The following KLHL29 variants were observed in gnomAD, a reference collection of about 807,000 sequenced individuals.
KLHL29 encodes kelch-like protein 29.
A neutral mutation model predicts 80.4 loss-of-function variants in KLHL29; 21 were observed. The ratio of observed to expected loss-of-function variants is 0.26; its 90% confidence interval spans 0.19 to 0.38. The LOEUF (loss-of-function observed/expected upper bound fraction) is 0.38, where lower values mean the gene tolerates loss of function less well. Among genes scored for constraint, KLHL29 ranks in the 10% least tolerant of loss-of-function variants. KLHL29 has a pLI of 1.00. For missense variants in KLHL29, 867 were observed against 1,223.9 expected (o/e 0.71, Z 4.35); for synonymous variants, 511 against 526.8 (o/e 0.97, Z 0.41).
In KLHL29 at chr2:23,596,153, G is replaced by C. The variant is rs1006040879; in HGVS notation, c.285+33672G>C. Reference sequence around the variant, plus strand: ...GAGCCGCATACAATAGAGCACCCTCGGCAGCCAGCCGGACGGGCAGGCCGG... The same window carrying C: ...GAGCCGCATACAATAGAGCACCCTCCGCAGCCAGCCGGACGGGCAGGCCGG... On this transcript the variant is annotated intron_variant, in intron 3 of 13. Coordinates refer to ENST00000486442, the MANE Select transcript of KLHL29 (RefSeq NM_052920.2). This position sits in a 1 kb window ranked among gnomAD's most constrained non-coding sequence, Gnocchi z 4.4. Among the ~76,000 whole-genome samples the C allele has an allele frequency of 6.6e-6, 1 of 152,184 alleles. No individual in the cohort carries two copies. Among genetic ancestry groups the C allele is most frequent in the Non-Finnish European group, 1.5e-5 (1 of 68,030 alleles).
At chr2:23,639,373 T>A in intron 4 of KLHL29, 93 bp downstream of exon 4, 2 of 1,303,202 alleles carry the variant, frequency 1.5e-6, no homozygotes, top group Non-Finnish European at 2.1e-6. Flanking sequence ...GCACAGCAGG[T>A]CTTGAACCCA....
chr2:23,549,999 TG>T (rs1313257202), intron 2 of KLHL29, among the ~76,000 whole-genome samples: 1 of 152,182 alleles, frequency 6.6e-6, no homozygotes, highest in Non-Finnish European at 1.5e-5. Flanking sequence ...CCTGGGGTTC[TG>T]GGTCTACCCT....
At chr2:23,393,660 A>C (rs572836754) in intron 1 of KLHL29, among the ~76,000 whole-genome samples, 18 of 152,340 alleles carry the variant, frequency 1.2e-4, no homozygotes, top group African/African-American at 4.3e-4. Flanking sequence ...TTTTTTCTCG[A>C]GATGGGTGTG....
At chr2:23,405,401 G>T (rs1666699428) in intron 1 of KLHL29, among the ~76,000 whole-genome samples, 1 of 152,176 alleles carries the variant, frequency 6.6e-6, no homozygotes, top group African/African-American at 2.4e-5. Flanking sequence ...ACAAAACAAT[G>T]CATGTTTTAA....
chr2:23,622,156 T>A (rs1342216063), intron 3 of KLHL29, among the ~76,000 whole-genome samples: 1 of 152,180 alleles, frequency 6.6e-6, no homozygotes, highest in Non-Finnish European at 1.5e-5. Flanking sequence ...AGACATTAAA[T>A]CCTTGCCTGG....
At chr2:23,675,834 A>G (rs1037510941) in intron 5 of KLHL29, among the ~76,000 whole-genome samples, 8 of 152,196 alleles carry the variant, frequency 5.3e-5, no homozygotes, top group Non-Finnish European at 1.0e-4. Context: ...CATTCTGTCC[A>G]TCCGATTCCA....
chr2:23,684,038 G>A lies in KLHL29; in HGVS notation c.941-361G>A, dbSNP rs1045744333. Among the ~76,000 whole-genome samples the A allele has an allele frequency of 2.0e-5, 3 of 152,162 alleles. No homozygotes were observed. The highest frequency in any genetic ancestry group is 2.9e-5 in the Non-Finnish European group (2 of 68,030). On this transcript the variant is annotated intron_variant, in intron 5 of 13. Transcript: ENST00000486442. The surrounding 1 kb of genome is among the most constrained non-coding windows in gnomAD (Gnocchi z 4.4). ...CATTGGCATTTGGAGAACTTGCTCC[G>A]TAGTTATTTGACAGTTTTTAGTTGT...
At chr2:23,582,465 C>G (rs1355595978) in intron 3 of KLHL29, among the ~76,000 whole-genome samples, 1 of 152,140 alleles carries the variant, frequency 6.6e-6, no homozygotes, top group Non-Finnish European at 1.5e-5. Flanking sequence ...TCCGGGGACC[C>G]CTATGACTCA....
At chr2:23,687,227 G>A (rs1431589345) in intron 6 of KLHL29, among the ~76,000 whole-genome samples, 1 of 152,168 alleles carries the variant, frequency 6.6e-6, no homozygotes, top group Non-Finnish European at 1.5e-5. Context: ...AGACCTCCGT[G>A]GGGATCAACA....
chr2:23,581,689 G>A (rs867716725), intron 3 of KLHL29, among the ~76,000 whole-genome samples: 5 of 151,974 alleles, frequency 3.3e-5, no homozygotes, highest in Admixed American at 2.0e-4. Flanking sequence ...GTAGCCGGGC[G>A]TGGTAGTGCG....
At chr2:23,419,213 T>C (rs1042085614) in intron 1 of KLHL29, among the ~76,000 whole-genome samples, 1 of 152,262 alleles carries the variant, frequency 6.6e-6, no homozygotes, top group African/African-American at 2.4e-5. Context: ...TTGTGACTTA[T>C]AATTTTGAAC....
At chr2:23,595,960 G>A (rs576285514) in intron 3 of KLHL29, among the ~76,000 whole-genome samples, 2 of 152,150 alleles carry the variant, frequency 1.3e-5, no homozygotes, top group Admixed American at 1.3e-4. Context: ...AGTCCTGGGC[G>A]GGCTTCTTCC....
intron 2 of KLHL29, among the ~76,000 whole-genome samples, chr2:23,479,392 G>A (rs1664725102): frequency 6.6e-6 from 1 of 152,054 alleles, no homozygotes; most frequent in Admixed American, 6.6e-5. Context: ...CCCCCAGCCT[G>A]CGCTGTCCAC....
At chr2:23,539,294 A>C (rs1359310018) in intron 2 of KLHL29, among the ~76,000 whole-genome samples, 1 of 152,160 alleles carries the variant, frequency 6.6e-6, no homozygotes, top group Non-Finnish European at 1.5e-5. Flanking sequence ...AAATGGCTAA[A>C]ATGTTTTATT....
intron 3 of KLHL29, among the ~76,000 whole-genome samples, chr2:23,564,240 G>C (rs898052155): frequency 6.6e-6 from 1 of 152,252 alleles, no homozygotes; most frequent in Non-Finnish European, 1.5e-5. Context: ...GCTGCCTGCA[G>C]AGCTCCCGCT....
intron 1 of KLHL29, among the ~76,000 whole-genome samples, chr2:23,418,488 T>A (rs1406742066): frequency 6.6e-6 from 1 of 152,196 alleles, no homozygotes; most frequent in South Asian, 2.1e-4. Context: ...AATGTTAGGC[T>A]TCAGCATGAT....
At chr2:23,606,044 C>T (rs1668713823) in intron 3 of KLHL29, among the ~76,000 whole-genome samples, 1 of 152,082 alleles carries the variant, frequency 6.6e-6, no homozygotes, top group Admixed American at 6.5e-5. Context: ...GCTGGGATTA[C>T]AGGTGTGAGC....
At chr2:23,582,133 A>G (rs1462891273) in intron 3 of KLHL29, among the ~76,000 whole-genome samples, 3 of 152,218 alleles carry the variant, frequency 2.0e-5, no homozygotes, top group Non-Finnish European at 4.4e-5. Flanking sequence ...CCCAGCGCCA[A>G]TAGTTTTCTC....
intron 5 of KLHL29, among the ~76,000 whole-genome samples, chr2:23,670,926 CT>C (rs1198583531): frequency 6.8e-4 from 3 of 4,382 alleles, no homozygotes; most frequent in East Asian, 0.014. Context: ...CGCTCTCTCT[CT>C]CTCTCTCTCT....
Sources: gnomAD v4.1 joint callset for allele counts (sites outside exome capture counted in the v4.1 genomes callset) on GRCh38, gnomAD v4.1.1 for gene constraint, Gnocchi (gnomAD v3.1) non-coding constraint, MANE v1.5 for transcripts, NCBI Gene and HGNC (gene_info 2026-07-23, HGNC 2026-07-21) for gene names.